PRKAG2: variants seen among roughly 807,000 people sequenced by gnomAD.
PRKAG2 encodes protein kinase AMP-activated non-catalytic subunit gamma 2.
A neutral mutation model predicts 69.6 loss-of-function variants in PRKAG2; 26 were observed. The ratio of observed to expected loss-of-function variants is 0.37; its 90% CI spans 0.27 to 0.52. The LOEUF (loss-of-function observed/expected upper bound fraction) is 0.52, where lower values mean the gene tolerates loss of function less well. Among genes scored for constraint, PRKAG2 ranks in the 20% least tolerant of loss-of-function variants. The pLI is 0.90. For missense variants in PRKAG2, 557 were observed against 740.0 expected, an observed-to-expected ratio of 0.75 and a Z score of 2.87; for synonymous variants, 293 against 285.0, an observed-to-expected ratio of 1.03 and a Z score of -0.28.
At chr7:151,673,766 G>A (rs1017356702) in intron 4 of PRKAG2, among the ~76,000 whole-genome samples, 1 of 151,766 alleles carries the variant, frequency 6.6e-6, no homozygotes, top group African/African-American at 2.4e-5. Context: ...GTGACTTTTG[G>A]AAATAGGGTC....
At chr7:151,578,405 A>T (rs1034904063) in intron 6 of PRKAG2, among the ~76,000 whole-genome samples, 6 of 152,244 alleles carry the variant, frequency 3.9e-5, no homozygotes, top group African/African-American at 1.4e-4. Flanking sequence ...CTTACTAATG[A>T]AAACAACTGC....
chr7:151,851,546 G>A lies in PRKAG2; in HGVS notation c.114+24961C>T, dbSNP rs73728423. Among the ~76,000 whole-genome samples the A allele has an allele frequency of 3.7e-3, 569 of 152,270 alleles. 6 individuals are homozygous for A. Among genetic ancestry groups the A allele is most frequent in the African/African-American group, 0.012 (494 of 41,540 alleles). On this transcript the variant is annotated intron_variant, in intron 1 of 15. Coordinates refer to ENST00000287878, the MANE Select transcript of PRKAG2 (RefSeq NM_016203.4). Reference sequence around the variant, plus strand: ...AGCTCTTGTGAAGTTGGCCACGCACGTCTCTCCAGAGTCGGCTACAGATGG... The same window carrying A: ...AGCTCTTGTGAAGTTGGCCACGCACATCTCTCCAGAGTCGGCTACAGATGG...
intron 3 of PRKAG2, among the ~76,000 whole-genome samples, chr7:151,746,270 C>T (rs1333327120): frequency 1.3e-5 from 2 of 152,230 alleles, no homozygotes; most frequent in African/African-American, 4.8e-5. Flanking sequence ...CTGCACGTCA[C>T]TCCTTAAGAA....
intron 14 of PRKAG2, among the ~76,000 whole-genome samples, chr7:151,562,102 G>A (rs1805133673): frequency 1.4e-5 from 2 of 146,634 alleles, no homozygotes; most frequent in South Asian, 4.4e-4. Flanking sequence ...AAAATTAGCT[G>A]GGCGTGGTGG....
At chr7:151,576,322 T>G in intron 7 of PRKAG2, 49 bp downstream of exon 7, 1 of 1,455,892 alleles carries the variant, frequency 6.9e-7, no homozygotes, top group Non-Finnish European at 9.6e-7. Flanking sequence ...TTAGGCTTTC[T>G]GCTTTCAAGG....
chr7:151,619,680 A>G (rs1358693234), intron 5 of PRKAG2, among the ~76,000 whole-genome samples: 1 of 152,190 alleles, frequency 6.6e-6, no homozygotes, highest in African/African-American at 2.4e-5. Context: ...CTCATCCCCA[A>G]GATATCTCAT....
chr7:151,743,400 T>A (rs2074038317), intron 3 of PRKAG2, among the ~76,000 whole-genome samples: 1 of 152,098 alleles, frequency 6.6e-6, no homozygotes, highest in Non-Finnish European at 1.5e-5. Flanking sequence ...GACACTAGGT[T>A]TATAAGATCT....
chr7:151,727,419 G>A (rs1206233244), intron 3 of PRKAG2, among the ~76,000 whole-genome samples: 1 of 152,120 alleles, frequency 6.6e-6, no homozygotes, highest in African/African-American at 2.4e-5. Flanking sequence ...AGCAGCCACG[G>A]GAGCCCCGTG....
At position 151,641,782 on chromosome 7, in the gene PRKAG2, A is replaced by C. The variant is rs147775735; in HGVS notation, c.685-9644T>G. On this transcript the variant is annotated intron_variant, in intron 4 of 15. Transcript: ENST00000287878. ...TGCCTCAGCCTCCCAAAGCACTGGG[A>C]TTATAGGCATGAGTGACATCACCTG... is the stretch of plus-strand genomic sequence containing the variant. Among the ~76,000 whole-genome samples, 641 of 152,174 alleles carry C rather than the reference A, an allele frequency of 4.2e-3. 4 individuals carry two copies. The highest frequency in any genetic ancestry group is 0.015 in the African/African-American group (624 of 41,538).
intron 3 of PRKAG2, among the ~76,000 whole-genome samples, chr7:151,684,364 A>G (rs1834353254): frequency 6.6e-6 from 1 of 152,210 alleles, no homozygotes; most frequent in African/African-American, 2.4e-5. Flanking sequence ...AGCACCGTGG[A>G]AGCAGCTGAG....
Position 151,828,231 on chromosome 7 carries a change from C to G in PRKAG2, c.115-41690G>C, listed in dbSNP as rs1040383286. ...GAGCTACCTCTCCTTCCCACAGAGC[C>G]TGGAGATAGGTCCCTGGTCACAGTG... On this transcript the variant is annotated intron_variant, in intron 1 of 15. Transcript: ENST00000287878. This position sits in a 1 kb window ranked among gnomAD's most constrained non-coding sequence, Gnocchi z 4.6. Among the ~76,000 whole-genome samples the G allele has an allele frequency of 2.6e-5, 4 of 152,180 alleles. No homozygotes were observed. The highest frequency in any genetic ancestry group is 6.5e-5 in the Admixed American group (1 of 15,278).
chr7:151,775,107 C>G (rs576602851), intron 3 of PRKAG2, among the ~76,000 whole-genome samples: 1 of 152,214 alleles, frequency 6.6e-6, no homozygotes, highest in Non-Finnish European at 1.5e-5. Context: ...CGTTGGGCCA[C>G]GTGTGATGAG....
chr7:151,678,867 G>C (rs1470378737), intron 3 of PRKAG2, among the ~76,000 whole-genome samples: 5 of 152,174 alleles, frequency 3.3e-5, no homozygotes, highest in African/African-American at 1.2e-4. Context: ...GCTGAGGCAG[G>C]AGAATCGCTT....
chr7:151,708,801 C>T (rs1482034060), intron 3 of PRKAG2, among the ~76,000 whole-genome samples: 1 of 152,206 alleles, frequency 6.6e-6, no homozygotes, highest in Admixed American at 6.5e-5. Flanking sequence ...CTTGGTGAGG[C>T]AGGGCCTTTT....
intron 1 of PRKAG2, among the ~76,000 whole-genome samples, chr7:151,857,399 C>CA (rs71198737): frequency 0.26 from 32,010 of 122,852 alleles, 4,759 homozygotes; most frequent in African/African-American, 0.43. Context: ...CTGGAAGTAC[C>CA]AAAAAAAAAA....
intron 1 of PRKAG2, among the ~76,000 whole-genome samples, chr7:151,833,740 A>T (rs2079088388): frequency 6.6e-6 from 1 of 152,236 alleles, no homozygotes; most frequent in Admixed American, 6.5e-5. Flanking sequence ...GGCAAAGGGG[A>T]GGTTGGCACG....
At chr7:151,644,415 A>ATTTTGTGTATATG (rs1190855731) in intron 4 of PRKAG2, among the ~76,000 whole-genome samples, 2 of 152,234 alleles carry the variant, frequency 1.3e-5, no homozygotes, top group Non-Finnish European at 2.9e-5. Context: ...ATTTCCTAGA[A>ATTTTGTGTATATG]TTTTGTGTAT....
In PRKAG2 at chr7:151,564,086, T is replaced by A. The variant is rs2150988429; in HGVS notation, c.1576A>T (p.Arg526Ter). 6.2e-7 allele frequency: 1 copy of A among 1,614,104 alleles called. No homozygotes were observed. The highest frequency in any genetic ancestry group is 1.7e-4 in the Middle Eastern group (1 of 6,060). ...ILETIVDRIV[R>*]AEVHRLVVVN... ...TGGGAAAGCCGTCTCACCTCAGCTC[T>A]TACTATTCTGTCCACGATGGTCTCC... The change falls in exon 14 of 16, where the codon AGA (arginine) becomes TGA (stop). Residue 526 changes from arginine (R) to a stop codon, truncating the protein, a stop_gained. Coordinates refer to ENST00000287878, the MANE Select transcript of PRKAG2 (RefSeq NM_016203.4). LOFTEE classifies it high-confidence loss of function.
chr7:151,801,295 C>T (rs527424109), intron 1 of PRKAG2, among the ~76,000 whole-genome samples: 1 of 152,286 alleles, frequency 6.6e-6, no homozygotes, highest in East Asian at 1.9e-4. Flanking sequence ...GCGCTCAGAC[C>T]AAGAAGATAA....
Sources: allele counts gnomAD v4.1 joint callset (sites outside exome capture counted in the v4.1 genomes callset), GRCh38; gene constraint gnomAD v4.1.1; non-coding constraint Gnocchi (gnomAD v3.1); transcripts MANE v1.5; gene names NCBI Gene and HGNC (gene_info 2026-07-23, HGNC 2026-07-21).